The following KIF21B variants were observed in gnomAD, a reference collection of about 807,000 sequenced individuals.
The protein encoded by KIF21B is kinesin family member 21B, also known as kinesin-like protein KIF21B.
Under a neutral mutation model 192.9 loss-of-function variants are expected in KIF21B, and 85 were observed. That is an observed-to-expected ratio of 0.44 (90% CI 0.37 to 0.53). The LOEUF (loss-of-function observed/expected upper bound fraction) is 0.53, where lower values mean the gene tolerates loss of function less well. KIF21B is among the 20% of genes least tolerant of loss of function. The pLI, the probability that KIF21B is intolerant of heterozygous loss-of-function variation, is 0.00. For synonymous variants in KIF21B, 832 were observed against 884.6 expected (o/e 0.94, Z 1.05); for missense variants, 1,716 against 2,194.8 (o/e 0.78, Z 4.36).
chr1:201,011,559 G>A (rs1430177961), intron 1 of KIF21B, among the ~76,000 whole-genome samples: 2 of 152,236 alleles, frequency 1.3e-5, no homozygotes, highest in Non-Finnish European at 1.5e-5. Context: ...TATATGCAGG[G>A]AGAGAGAGCA....
rs1267871305 is a variant in KIF21B, at chr1:200,972,321, C to T, written c.*1200G>A. The stretch of plus-strand genomic sequence containing the variant: ...CAGAGAGAGAGAAGCTGGAGAGACT[C>T]CCCGGCCCAGTGGGGGACTGCAGGG... On this transcript the variant is annotated 3_prime_UTR_variant, in exon 35 of 35. Coordinates refer to ENST00000461742, the MANE Select transcript of KIF21B (RefSeq NM_001252102.2). 6.6e-6 allele frequency: 1 copy of T among 152,138 alleles called. No homozygotes were observed. The highest frequency in any genetic ancestry group is 1.5e-5 in the Non-Finnish European group (1 of 67,998). 9.4% of individuals were successfully genotyped at this position (152,138 alleles called of 1,614,324 possible).
chr1:201,016,994 T>C (rs908150849), intron 1 of KIF21B, among the ~76,000 whole-genome samples: 1 of 152,058 alleles, frequency 6.6e-6, no homozygotes, highest in African/African-American at 2.4e-5. Flanking sequence ...GGCCTTGGGG[T>C]GTCAGCTTGG....
Position 200,996,223 on chromosome 1 carries a change from G to A in KIF21B, c.2250C>T (p.Ala750=), listed in dbSNP as rs374905301. ...TGGCCTTCTTCATCTCAGCCACCTC[G>A]GCCTGTAGCTTCTTCAGCTCCCTCT... ...RYERELKKLQ[A]EVAEMKKAKV... Residue 750 remains alanine, a synonymous_variant, in exon 15 of 35, where the codon GCC becomes GCT. Transcript: ENST00000461742. 7.4e-6 allele frequency: 12 copies of A among 1,613,434 alleles called. No individual in the cohort carries two copies. The highest frequency in any genetic ancestry group is 3.3e-5 in the South Asian group (3 of 91,032).
At chr1:201,019,529 GCCACCTCCCTGGCCCAGGCCTGGGCC>G (rs1326929199) in intron 1 of KIF21B, among the ~76,000 whole-genome samples, 2 of 151,904 alleles carry the variant, frequency 1.3e-5, no homozygotes, top group Non-Finnish European at 2.9e-5. Flanking sequence ...TATCACCTCT[GCCACCTCCCTGGCCCAGGCCTGGGCC>G]CCGCCTCACC....
chr1:201,007,675 GAC>G (rs766835917), intron 3 of KIF21B, among the ~76,000 whole-genome samples: 2 of 134,828 alleles, frequency 1.5e-5, no homozygotes, highest in South Asian at 4.8e-4. Context: ...GAGACACATA[GAC>G]ACACGCACAG....
rs1264276154 is a variant in KIF21B, at chr1:200,989,996, G to A, written c.3078C>T (p.Ser1026=). 1 of 1,614,028 alleles carries A rather than the reference G, an allele frequency of 6.2e-7. No homozygotes were observed. Among genetic ancestry groups the A allele is most frequent in the East Asian group, 2.2e-5 (1 of 44,884 alleles). The change falls in exon 21 of 35, where the codon TCC becomes TCT. Residue 1026 remains serine, a synonymous_variant. Coordinates refer to ENST00000461742, the MANE Select transcript of KIF21B (RefSeq NM_001252102.2). ...TDTSVVISSC[S]LAEARLLLDN... ...CTAGCAGGAGGCGGGCTTCAGCCAG[G>A]GAGCAGGAGCTGATGACCACGGATG...
chr1:200,981,578 A>T (rs562955300), intron 28 of KIF21B, among the ~76,000 whole-genome samples: 2 of 152,084 alleles, frequency 1.3e-5, no homozygotes, highest in South Asian at 2.1e-4. Context: ...TCAGGCCATC[A>T]CCCCCATGCA....
Position 200,990,137 on chromosome 1 carries a change from CCTTGGTCTCCTCCAGCTG to C in KIF21B, c.3013_3030del (p.Gln1005_Lys1010del). ...CCCAGCAGGCCCAGCCCTGCGGATA[CCTTGGTCTCCTCCAGCTG>C]CACGATGGTGGCCTGGCAGTCGGTG... On this transcript the variant is annotated inframe_deletion and splice_region_variant, in exon 20 of 35. Coordinates refer to ENST00000461742, the MANE Select transcript of KIF21B (RefSeq NM_001252102.2). The surrounding 1 kb of genome is among the most constrained non-coding windows in gnomAD (Gnocchi z 5.4). 1 of 1,612,886 alleles carries C rather than the reference CCTTGGTCTCCTCCAGCTG, an allele frequency of 6.2e-7. No individual in the cohort carries two copies. Among genetic ancestry groups the C allele is most frequent in the Non-Finnish European group, 8.5e-7 (1 of 1,179,124 alleles).
chr1:200,984,447 G>T (rs1008874164), intron 27 of KIF21B, among the ~76,000 whole-genome samples: 1 of 152,178 alleles, frequency 6.6e-6, no homozygotes. Context: ...TTGGGGGTCT[G>T]GTCTCTTTCT....
chr1:200,988,701 G>C, intron 22 of KIF21B, 65 bp downstream of exon 22: 2 of 1,554,016 alleles, frequency 1.3e-6, no homozygotes, highest in Non-Finnish European at 1.7e-6. Flanking sequence ...GGCCTTGTGG[G>C]GGTCTGAGCC....
chr1:200,988,605 G>A lies in KIF21B; in HGVS notation c.3299-61C>T, dbSNP rs1656461276. The A allele has an allele frequency of 2.0e-6, 3 of 1,475,774 alleles. No homozygotes were observed. In the Admixed American group the frequency reaches 6.0e-5, roughly 30 times the overall value. 91.4% of individuals were successfully genotyped at this position (1,475,774 alleles called of 1,614,324 possible). A position where few individuals can be genotyped will look rare whatever the true frequency, so the allele number is the denominator to read the frequency against. On this transcript the variant is annotated intron_variant, in intron 22 of 34. Transcript: ENST00000461742. ...AAGCCCTGTCCAAGTGTCGGGGGAG[G>A]GATGATGGTCTCCCTCCTATATCTC...
At position 201,005,289 on chromosome 1, in the gene KIF21B, C is replaced by T. The variant is rs940126946; in HGVS notation, c.732+19G>A. 4 of 1,559,266 alleles carry T rather than the reference C, an allele frequency of 2.6e-6. No individual in the cohort carries two copies. Among genetic ancestry groups the T allele is most frequent in the Non-Finnish European group, 2.6e-6 (3 of 1,153,510 alleles). Reference sequence around the variant, plus strand: ...CCCCTGCAGCAAGCTGGCTCCTGGGCCCCCTGCAGGCTCCTCACCAGGTCG... The same window carrying T: ...CCCCTGCAGCAAGCTGGCTCCTGGGTCCCCTGCAGGCTCCTCACCAGGTCG... On this transcript the variant is annotated intron_variant, in intron 5 of 34. Transcript: ENST00000461742.
At chr1:201,002,443 T>C (rs1558018908) in intron 8 of KIF21B, 93 bp from the exon 9 acceptor site, 1 of 1,184,292 alleles carries the variant, frequency 8.4e-7, no homozygotes, top group Non-Finnish European at 1.2e-6. Context: ...GCCAGCGCCC[T>C]GGCCTTCCCC....
rs1656042881 is a variant in KIF21B at position 200,982,972 on chromosome 1, G to A, written c.3842+84C>T. The stretch of plus-strand genomic sequence containing the variant: ...CATGCTGAGGACACGGGTGTCAGGC[G>A]GGAGGGATGCAGCAAGAGACAGAGA... On this transcript the variant is annotated intron_variant, in intron 28 of 34. Coordinates refer to ENST00000461742, the MANE Select transcript of KIF21B (RefSeq NM_001252102.2). This position sits in a 1 kb window ranked among gnomAD's most constrained non-coding sequence, Gnocchi z 4.7. The A allele has an allele frequency of 7.1e-6, 9 of 1,275,882 alleles. No homozygotes were observed. The highest frequency in any genetic ancestry group is 2.5e-5 in the East Asian group (1 of 39,634). 79.0% of individuals were successfully genotyped at this position (1,275,882 alleles called of 1,614,324 possible). A position where few individuals can be genotyped will look rare whatever the true frequency, so the allele number is the denominator to read the frequency against.
intron 14 of KIF21B, among the ~76,000 whole-genome samples, chr1:200,997,195 C>T (rs1395101474): frequency 1.3e-5 from 2 of 152,198 alleles, no homozygotes; most frequent in African/African-American, 2.4e-5. Flanking sequence ...TGAAACTCCA[C>T]ACATCCCGTC....
At chr1:200,989,327 G>A (rs1656520580) in intron 21 of KIF21B, among the ~76,000 whole-genome samples, 1 of 152,184 alleles carries the variant, frequency 6.6e-6, no homozygotes, top group Non-Finnish European at 1.5e-5. Context: ...ACACAAAGCG[G>A]AGCTGAGAGG....
At chr1:200,992,070 T>C (rs536709597) in intron 16 of KIF21B, among the ~76,000 whole-genome samples, 14 of 152,350 alleles carry the variant, frequency 9.2e-5, no homozygotes, top group African/African-American at 3.1e-4. Flanking sequence ...TCTCCAGGGC[T>C]CAAGTCCCTC....
At chr1:200,981,219 C>T (rs1655902360) in intron 28 of KIF21B, 123 bp from the exon 29 acceptor site, 1 of 1,013,918 alleles carries the variant, frequency 9.9e-7, no homozygotes, top group Non-Finnish European at 1.4e-6. Flanking sequence ...ATAACAGAGA[C>T]TTTAAGGACT....
intron 27 of KIF21B, among the ~76,000 whole-genome samples, chr1:200,984,052 G>A (rs967091148): frequency 1.3e-5 from 2 of 152,212 alleles, no homozygotes; most frequent in African/African-American, 2.4e-5. Context: ...CTTGAGGGCT[G>A]CAGAGAGCAA....
Sources: allele counts gnomAD v4.1 joint callset (sites outside exome capture counted in the v4.1 genomes callset), GRCh38; gene constraint gnomAD v4.1.1; non-coding constraint Gnocchi (gnomAD v3.1); transcripts MANE v1.5; gene names NCBI Gene and HGNC (gene_info 2026-07-23, HGNC 2026-07-21).